The following PPHLN1 variants were observed in gnomAD, a reference collection of about 807,000 sequenced individuals.
PPHLN1 encodes periphilin 1, also known as periphilin-1.
Under a neutral mutation model 51.3 loss-of-function variants are expected in PPHLN1, and 29 were observed. The ratio of observed to expected loss-of-function variants is 0.57; its 90% CI spans 0.42 to 0.77. The LOEUF (loss-of-function observed/expected upper bound fraction) is 0.77. Among genes scored for constraint, PPHLN1 ranks in the 30% least tolerant of loss-of-function variants. The pLI, the probability that PPHLN1 is intolerant of heterozygous loss-of-function variation, is 0.00. For synonymous variants in PPHLN1, 147 were observed against 147.8 expected (o/e 0.99, Z 0.04); for missense variants, 436 against 438.4 (o/e 0.99, Z 0.05).
chr12:42,439,819 CA>C (rs1159669483), intron 9 of PPHLN1, among the ~76,000 whole-genome samples: 3 of 152,194 alleles, frequency 2.0e-5, no homozygotes, highest in Non-Finnish European at 4.4e-5. Flanking sequence ...GCCACCTTTA[CA>C]GTAAGTTTTG....
At chr12:42,355,592 G>GAA (rs61046280) in intron 4 of PPHLN1, 7 of 152,170 alleles carry the variant, frequency 4.6e-5, no homozygotes, top group East Asian at 1.9e-4. Flanking sequence ...CAAAAAAAAA[G>GAA]AAAAAAAAAT....
chr12:42,340,962 C>T (rs925560727), intron 2 of PPHLN1, among the ~76,000 whole-genome samples: 1 of 151,064 alleles, frequency 6.6e-6, no homozygotes, highest in Non-Finnish European at 1.5e-5. Flanking sequence ...AATTTCTCTC[C>T]CTTTTTTTCT....
chr12:42,347,019 G>A (rs2072441358), intron 2 of PPHLN1: 1 of 152,262 alleles, frequency 6.6e-6, no homozygotes, highest in East Asian at 1.9e-4. Flanking sequence ...CCAAGTATCT[G>A]CGATTACAGG....
intron 2 of PPHLN1, among the ~76,000 whole-genome samples, chr12:42,337,188 T>C (rs2137827865): frequency 6.6e-6 from 1 of 152,248 alleles, no homozygotes; most frequent in East Asian, 1.9e-4. Context: ...GACTTTTTTC[T>C]TTATCTCCCC....
chr12:42,340,563 A>G (rs1219965209), intron 2 of PPHLN1, among the ~76,000 whole-genome samples: 1 of 152,182 alleles, frequency 6.6e-6, no homozygotes, highest in East Asian at 1.9e-4. Flanking sequence ...TATTAAAAGA[A>G]AGAAGTCAGT....
downstream of PPHLN1, chr12:42,442,673 C>A (rs148115447): frequency 5.0e-6 from 8 of 1,614,106 alleles, no homozygotes; most frequent in African/African-American, 9.3e-5. Flanking sequence ...GCAGGTACCC[C>A]CTGTGAGGAA....
At chr12:42,389,505 A>T (rs2139107154) in intron 7 of PPHLN1, among the ~76,000 whole-genome samples, 1 of 152,318 alleles carries the variant, frequency 6.6e-6, no homozygotes, top group East Asian at 1.9e-4. Flanking sequence ...TGTTGCAGTG[A>T]GCTGAGATCA....
intron 1 of PPHLN1, 69 bp from the exon 2 acceptor site, chr12:42,335,814 A>G (rs1565736619): frequency 1.3e-6 from 1 of 791,724 alleles, no homozygotes. Context: ...GAAAGTAATC[A>G]TTTACTCCTT....
chr12:42,430,487 C>T (rs2081944267), intron 9 of PPHLN1, among the ~76,000 whole-genome samples: 2 of 151,960 alleles, frequency 1.3e-5, no homozygotes, highest in East Asian at 3.9e-4. Context: ...ATACTATATT[C>T]TTTTTTTGGT....
chr12:42,374,103 T>C (rs138654462), intron 4 of PPHLN1, among the ~76,000 whole-genome samples: 2 of 152,276 alleles, frequency 1.3e-5, no homozygotes, highest in East Asian at 3.9e-4. Context: ...AAATTGCATA[T>C]ACCTTGAAAA....
At chr12:42,413,862 C>G (rs946285920) in intron 9 of PPHLN1, among the ~76,000 whole-genome samples, 1 of 150,632 alleles carries the variant, frequency 6.6e-6, no homozygotes, top group Non-Finnish European at 1.5e-5. Context: ...TGTGCCCAGC[C>G]GATAACTGTA....
intron 1 of PPHLN1, among the ~76,000 whole-genome samples, chr12:42,327,093 A>G (rs1191012429): frequency 6.6e-6 from 1 of 152,172 alleles, no homozygotes; most frequent in Non-Finnish European, 1.5e-5. Context: ...CATGCTTTAC[A>G]TCTCTGTTAT....
chr12:42,399,149 AGT>A, intron 9 of PPHLN1, 155 bp downstream of exon 9: 1 of 1,413,810 alleles, frequency 7.1e-7, no homozygotes, highest in Non-Finnish European at 9.2e-7. Context: ...TTGACTTCAC[AGT>A]CAGTTTGATC....
chr12:42,398,991 A>G lies in PPHLN1; in HGVS notation c.906A>G (p.Glu302=), dbSNP rs2078547299. Residue 302 remains glutamate, a synonymous_variant, in exon 9 of 10, where the codon GAA becomes GAG. Transcript: ENST00000358314. The stretch of plus-strand genomic sequence containing the variant: ...TAGCATCAAAAACCAAAGAGATTGA[A>G]CAGGTGAGAGTCTAGTTGTCTTCAT... ...KAIASKTKEI[E]QVYRQDCETF... is the part of the protein sequence containing the mutation. 1.9e-6 allele frequency: 3 copies of G among 1,613,742 alleles called. No homozygotes were observed. The highest frequency in any genetic ancestry group is 1.7e-6 in the Non-Finnish European group (2 of 1,179,724).
chr12:42,419,117 G>A (rs1355483278), intron 9 of PPHLN1, among the ~76,000 whole-genome samples: 1 of 152,056 alleles, frequency 6.6e-6, no homozygotes, highest in Non-Finnish European at 1.5e-5. Context: ...CCAAACTTAG[G>A]GCTTCATGAC....
chr12:42,445,185 C>A (rs2083243454), downstream of PPHLN1: 3 of 699,086 alleles, frequency 4.3e-6, no homozygotes, highest in Non-Finnish European at 5.2e-6. Flanking sequence ...ACTGCCTGAC[C>A]CACTGGCTTA....
chr12:42,342,877 TAAC>T (rs1425824461), intron 2 of PPHLN1, among the ~76,000 whole-genome samples: 6 of 152,258 alleles, frequency 3.9e-5, no homozygotes, highest in African/African-American at 1.4e-4. Flanking sequence ...AGTAGTTAAA[TAAC>T]AATATTTACT....
At chr12:42,444,584 T>C (rs75019857), downstream of PPHLN1, 1 of 155,368 alleles carries the variant, frequency 6.4e-6, no homozygotes. Flanking sequence ...TATCTCCCTA[T>C]ATCCAGCTAG....
At chr12:42,338,791 G>A (rs1418363507) in intron 2 of PPHLN1, among the ~76,000 whole-genome samples, 4 of 152,200 alleles carry the variant, frequency 2.6e-5, no homozygotes, top group Admixed American at 2.6e-4. Context: ...CCCCGTCTTA[G>A]ATAATTAAAT....
Sources: gnomAD v4.1 joint callset for allele counts (sites outside exome capture counted in the v4.1 genomes callset) on GRCh38, gnomAD v4.1.1 for gene constraint, MANE v1.5 for transcripts, NCBI Gene and HGNC (gene_info 2026-07-23, HGNC 2026-07-21) for gene names.